The following ITGA2 variants were observed in gnomAD, a reference collection of about 807,000 sequenced individuals.
The protein encoded by ITGA2 is integrin subunit alpha 2.
A neutral mutation model predicts 146.3 loss-of-function variants in ITGA2; 101 were observed. The ratio of observed to expected loss-of-function variants is 0.69; its 90% CI spans 0.59 to 0.81. The LOEUF is 0.81. ITGA2 is among the 40% of genes least tolerant of loss of function. The probability of loss-of-function intolerance (pLI) is 0.00; values close to 1 mark genes in which losing one functional copy is unlikely to be tolerated. For missense variants in ITGA2, 1,281 were observed against 1,402.7 expected, an observed-to-expected ratio of 0.91 and a Z score of 1.39; for synonymous variants, 477 against 487.1, an observed-to-expected ratio of 0.98 and a Z score of 0.27.
At position 53,018,001 on chromosome 5, in the gene ITGA2, G is replaced by T. The variant is rs551311767; in HGVS notation, c.65-8747G>T. Among the ~76,000 whole-genome samples, 8 of 152,194 alleles carry T rather than the reference G, an allele frequency of 5.3e-5. No individual in the cohort carries two copies. In the South Asian group the frequency reaches 1.7e-3, roughly 32 times the overall value. On this transcript the variant is annotated intron_variant, in intron 1 of 29. Coordinates refer to ENST00000296585, the MANE Select transcript of ITGA2 (RefSeq NM_002203.4). ...TGGAGCCCTCTGATGGCCAGGCATG[G>T]TCTGTCAGTGCAGGAGCTCTGATGA...
At chr5:53,045,225 G>T (rs1744017055) in intron 4 of ITGA2, 133 bp downstream of exon 4, 3 of 742,980 alleles carry the variant, frequency 4.0e-6, no homozygotes, top group African/African-American at 1.8e-5. Context: ...CTATTTATTT[G>T]GCTATCCAAT....
intron 2 of ITGA2, among the ~76,000 whole-genome samples, chr5:53,034,837 A>G (rs1392830298): frequency 1.3e-5 from 2 of 152,176 alleles, no homozygotes; most frequent in Non-Finnish European, 2.9e-5. Flanking sequence ...TGTGCCCCAT[A>G]TGATGGGAAA....
chr5:53,060,917 A>G lies in ITGA2; in HGVS notation c.1329A>G (p.Ala443=). ...HSSYLGYSVA[A]ISTGESTHFV... Reference sequence around the variant, plus strand: ...CCCTTTTAGGTTACTCTGTGGCTGCAATTTCTACTGGAGAAAGCACTCACT... The same window carrying G: ...CCCTTTTAGGTTACTCTGTGGCTGCGATTTCTACTGGAGAAAGCACTCACT... The change falls in exon 12 of 30, where the codon GCA becomes GCG. Residue 443 remains alanine, a synonymous_variant. Coordinates refer to ENST00000296585, the MANE Select transcript of ITGA2 (RefSeq NM_002203.4). 1 of 1,612,352 alleles carries G rather than the reference A, an allele frequency of 6.2e-7. No homozygotes were observed. The highest frequency in any genetic ancestry group is 1.3e-5 in the African/African-American group (1 of 74,888).
rs773221406 is a variant in ITGA2 at position 53,064,937 on chromosome 5, T to C, written c.1628T>C (p.Leu543Pro). The part of the protein sequence containing the change: ...KEGILGQHQF[L>P]EGPEGIENTR... ...GGCATTTTGGGTCAGCACCAATTTC[T>C]TGAAGGCCCCGAGGGCATTGAAAAC... Residue 543 changes from leucine (L) to proline (P), a missense_variant, in exon 14 of 30, where the codon CTT (leucine) becomes CCT (proline). Transcript: ENST00000296585. 1 of 1,612,678 alleles carries C rather than the reference T, an allele frequency of 6.2e-7. No individual in the cohort carries two copies. The highest frequency in any genetic ancestry group is 8.5e-7 in the Non-Finnish European group (1 of 1,179,150).
At chr5:53,082,493 A>G (rs1011134320) in intron 26 of ITGA2, among the ~76,000 whole-genome samples, 7 of 152,192 alleles carry the variant, frequency 4.6e-5, no homozygotes, top group East Asian at 1.9e-4. Flanking sequence ...ACATAGGCCA[A>G]TGTGTCATAG....
chr5:52,997,812 C>A (rs1741349746), intron 1 of ITGA2, among the ~76,000 whole-genome samples: 1 of 152,166 alleles, frequency 6.6e-6, no homozygotes, highest in East Asian at 1.9e-4. Context: ...GATTTCATAA[C>A]CTCTTCTAAA....
rs373476396 is a variant in ITGA2, at chr5:53,065,968, T to C, written c.1934T>C (p.Val645Ala). 6.2e-7 allele frequency: 1 copy of C among 1,611,900 alleles called. No individual in the cohort carries two copies. Among genetic ancestry groups the C allele is most frequent in the Non-Finnish European group, 8.5e-7 (1 of 1,178,554 alleles). ...DVSIGAFGQV[V>A]QLWSQSIADV... ...TCTATTGGTGCCTTTGGACAAGTGG[T>C]TCAACTCTGGTGAGTCAGGAAGAGC... Residue 645 changes from valine (V) to alanine (A), a missense_variant, in exon 15 of 30, where the codon GTT becomes GCT. Transcript: ENST00000296585.
At chr5:53,058,742 G>A (rs897338492) in intron 10 of ITGA2, among the ~76,000 whole-genome samples, 10 of 151,976 alleles carry the variant, frequency 6.6e-5, no homozygotes, top group African/African-American at 2.2e-4. Context: ...CCCAGGATTT[G>A]ATCGGCAGGT....
At chr5:53,045,880 G>T (rs1744056787) in intron 4 of ITGA2, among the ~76,000 whole-genome samples, 1 of 150,630 alleles carries the variant, frequency 6.6e-6, no homozygotes, top group South Asian at 2.1e-4. Flanking sequence ...GTGTATGTAT[G>T]TATAACCCTG....
chr5:53,077,757 G>GA (rs901204552), intron 23 of ITGA2, among the ~76,000 whole-genome samples: 8 of 151,906 alleles, frequency 5.3e-5, no homozygotes, highest in Non-Finnish European at 1.2e-4. Context: ...TAAGGATATG[G>GA]AAAAAATCAT....
intron 1 of ITGA2, among the ~76,000 whole-genome samples, chr5:53,009,396 A>G (rs1215188248): frequency 1.3e-5 from 2 of 152,152 alleles, no homozygotes; most frequent in South Asian, 2.1e-4. Flanking sequence ...GAAGGAAACC[A>G]GGAATATGCT....
At position 53,089,980 on chromosome 5, in the gene ITGA2, C is replaced by T; in HGVS notation, c.3383C>T (p.Ala1128Val). The T allele has an allele frequency of 6.2e-7, 1 of 1,612,614 alleles. No homozygotes were observed. The highest frequency in any genetic ancestry group is 8.5e-7 in the Non-Finnish European group (1 of 1,178,754). ...PLMIMKPDEK[A>V]EVPTGVIIGS... ...ATGATAATGAAACCTGATGAGAAAG[C>T]CGAAGTACCAACAGGAGTTATAATA... The change falls in exon 29 of 30, where the codon GCC becomes GTC. Residue 1128 changes from alanine (A) to valine (V), a missense_variant. Physicochemically the swap from Ala to Val is moderately conservative, Grantham distance 64. Around this residue, in one of 3 missense-constraint regions of ITGA2, gnomAD observed 475 missense variants for 530.5 expected, o/e 0.90. Coordinates refer to ENST00000296585, the MANE Select transcript of ITGA2 (RefSeq NM_002203.4).
chr5:53,018,598 C>T (rs543753353), intron 1 of ITGA2, among the ~76,000 whole-genome samples: 83 of 152,184 alleles, frequency 5.5e-4, no homozygotes, highest in East Asian at 9.7e-4. Flanking sequence ...CCTGGTTTCT[C>T]GGTCGGAGAG....
chr5:53,024,449 T>TA (rs777867572), intron 1 of ITGA2, among the ~76,000 whole-genome samples: 9 of 151,680 alleles, frequency 5.9e-5, no homozygotes, highest in East Asian at 1.9e-4. Context: ...TGCATTTTAT[T>TA]AAAAAAAAAT....
At chr5:53,065,200 C>A in intron 14 of ITGA2, 85 bp downstream of exon 14, 1 of 1,309,398 alleles carries the variant, frequency 7.6e-7, no homozygotes, top group Non-Finnish European at 1.1e-6. Flanking sequence ...ACCATGCAAT[C>A]CGTCCGCCTT....
chr5:53,002,622 G>C (rs921157872), intron 1 of ITGA2, among the ~76,000 whole-genome samples: 1 of 152,150 alleles, frequency 6.6e-6, no homozygotes, highest in Non-Finnish European at 1.5e-5. Flanking sequence ...GTTGTTTCCT[G>C]TGGGATATTT....
At chr5:53,054,665 G>C (rs1312698406) in intron 7 of ITGA2, among the ~76,000 whole-genome samples, 1 of 152,100 alleles carries the variant, frequency 6.6e-6, no homozygotes, top group Non-Finnish European at 1.5e-5. Context: ...AGACCTTCAT[G>C]TATATACATG....
intron 7 of ITGA2, among the ~76,000 whole-genome samples, chr5:53,053,382 G>A (rs935534837): frequency 6.6e-6 from 1 of 152,116 alleles, no homozygotes; most frequent in Non-Finnish European, 1.5e-5. Flanking sequence ...CCAGTCAATA[G>A]GTCAGCTGCC....
chr5:53,064,215 T>G (rs1745036354), intron 13 of ITGA2, among the ~76,000 whole-genome samples: 1 of 151,974 alleles, frequency 6.6e-6, no homozygotes, highest in African/African-American at 2.4e-5. Flanking sequence ...ATATTGTGTT[T>G]TATTTTGTTC....
Sources: gnomAD v4.1 joint callset for allele counts (sites outside exome capture counted in the v4.1 genomes callset) on GRCh38, gnomAD v4.1.1 for gene constraint, gnomAD v4.1.1 regional missense constraint, MANE v1.5 for transcripts, NCBI Gene and HGNC (gene_info 2026-07-23, HGNC 2026-07-21) for gene names.